PCDHGA3: variants seen among roughly 807,000 people sequenced by gnomAD.
The protein encoded by PCDHGA3 is protocadherin gamma subfamily A, 3, also known as protocadherin gamma-A3.
In PCDHGA3, 40 loss-of-function variants were observed where a neutral mutation model predicts 58.5. The ratio of observed to expected loss-of-function variants is 0.68; its 90% CI spans 0.53 to 0.89. PCDHGA3 has a LOEUF of 0.89. Among genes scored for constraint, PCDHGA3 ranks in the 40% least tolerant of loss-of-function variants. The pLI is 0.00. For missense variants in PCDHGA3, 1,223 were observed against 1,195.9 expected (o/e 1.02, Z -0.33); for synonymous variants, 530 against 525.7 (o/e 1.01, Z -0.11).
chr5:141,410,508 G>T (rs752298772), intron 1 of PCDHGA3: 1 of 1,613,968 alleles, frequency 6.2e-7, no homozygotes, highest in South Asian at 1.1e-5. Context: ...TTCCTAAAAT[G>T]CAGTGTGCCC....
At chr5:141,510,062 G>GA (rs1448334820) in intron 3 of PCDHGA3, among the ~76,000 whole-genome samples, 1 of 152,150 alleles carries the variant, frequency 6.6e-6, no homozygotes. Flanking sequence ...TTGTGCATGT[G>GA]AAGCATCCAG....
At chr5:141,391,253 T>C (rs1157052865) in intron 1 of PCDHGA3, 1 of 152,146 alleles carries the variant, frequency 6.6e-6, no homozygotes, top group Non-Finnish European at 1.5e-5. Flanking sequence ...AAGCAACTGC[T>C]TCAGTTAATG....
intron 1 of PCDHGA3, among the ~76,000 whole-genome samples, chr5:141,445,320 A>G (rs1462989860): frequency 1.3e-5 from 2 of 152,188 alleles, no homozygotes; most frequent in Non-Finnish European, 2.9e-5. Flanking sequence ...GGTTGAGAGA[A>G]CCCATCCAGA....
At chr5:141,441,102 C>G (rs1057297804) in intron 1 of PCDHGA3, 1 of 152,148 alleles carries the variant, frequency 6.6e-6, no homozygotes, top group East Asian at 1.9e-4. Context: ...GAGAGGGACT[C>G]ATTGTCCAGT....
chr5:141,439,800 T>C (rs1393580217), intron 1 of PCDHGA3: 1 of 152,300 alleles, frequency 6.6e-6, no homozygotes, highest in Admixed American at 6.5e-5. Context: ...CAAGAAGAGT[T>C]TGAAAAGGGG....
rs143767010 is a variant in PCDHGA3 at position 141,460,190 on chromosome 5, A to G, written c.2425-34617A>G. 3.2e-3 allele frequency among the ~76,000 whole-genome samples: 486 copies of G among 152,218 alleles called. 1 individual carries two copies. Among genetic ancestry groups the G allele is most frequent in the Non-Finnish European group, 4.9e-3 (336 of 68,006 alleles). ...TTTTGTGGATATTTTATCCCAGACTATGACTTGTCTTTTCATTTTCTTAGT... is the reference window on the plus strand; with the variant it reads ...TTTTGTGGATATTTTATCCCAGACTGTGACTTGTCTTTTCATTTTCTTAGT... On this transcript the variant is annotated intron_variant, in intron 1 of 3. Coordinates refer to ENST00000253812, the MANE Select transcript of PCDHGA3 (RefSeq NM_018916.4).
Position 141,490,972 on chromosome 5 carries a change from C to G in PCDHGA3, c.2425-3835C>G. 6.2e-7 allele frequency: 1 copy of G among 1,613,912 alleles called. No homozygotes were observed. Among genetic ancestry groups the G allele is most frequent in the Non-Finnish European group, 8.5e-7 (1 of 1,179,922 alleles). Reference sequence around the variant, plus strand: ...AGACTGGGAACACTCAGCCCCCCAGCGTCTCCCTCGCTCTGCTCCTCCTGG... The same window carrying G: ...AGACTGGGAACACTCAGCCCCCCAGGGTCTCCCTCGCTCTGCTCCTCCTGG... On this transcript the variant is annotated intron_variant, in intron 1 of 3. Coordinates refer to ENST00000253812, the MANE Select transcript of PCDHGA3 (RefSeq NM_018916.4). The surrounding 1 kb of genome is among the most constrained non-coding windows in gnomAD (Gnocchi z 5.4).
chr5:141,369,379 T>G (rs1268907990), intron 1 of PCDHGA3, among the ~76,000 whole-genome samples: 1 of 152,066 alleles, frequency 6.6e-6, no homozygotes, highest in Non-Finnish European at 1.5e-5. Flanking sequence ...TTGTAAAAGT[T>G]TTTCATTTGG....
chr5:141,436,337 A>G (rs1450981655), intron 1 of PCDHGA3, among the ~76,000 whole-genome samples: 1 of 152,178 alleles, frequency 6.6e-6, no homozygotes, highest in Non-Finnish European at 1.5e-5. Flanking sequence ...CATATCTCAA[A>G]TATCAGTGAC....
chr5:141,462,824 A>T (rs1561993844), intron 1 of PCDHGA3, among the ~76,000 whole-genome samples: 1 of 152,158 alleles, frequency 6.6e-6, no homozygotes, highest in Non-Finnish European at 1.5e-5. Flanking sequence ...TGGACAGCAG[A>T]CATTGTAAAT....
intron 1 of PCDHGA3, chr5:141,411,845 G>C (rs984420523): frequency 6.6e-6 from 1 of 151,920 alleles, no homozygotes; most frequent in Non-Finnish European, 1.5e-5. Context: ...AGGTGACAGA[G>C]TGAGACCCTG....
intron 1 of PCDHGA3, among the ~76,000 whole-genome samples, chr5:141,438,611 TATATATATATATATATATATATATAC>T (rs1451681129): frequency 0.1 from 4,016 of 39,372 alleles, 166 homozygotes; most frequent in Middle Eastern, 0.18. Context: ...TATATATATA[TATATATATATATATATATATATATAC>T]ACACACACAC....
chr5:141,421,239 G>T (rs773410079), intron 1 of PCDHGA3: 5 of 1,599,000 alleles, frequency 3.1e-6, no homozygotes, highest in Middle Eastern at 3.3e-4. Flanking sequence ...TGGCGAATCG[G>T]CTACAGCGCG....
chr5:141,345,391 C>G lies in PCDHGA3; in HGVS notation c.1358C>G (p.Pro453Arg), dbSNP rs753896758. ...IDINDNPPTF[P>R]HLSYSAYIPE... is the part of the protein sequence containing the mutation. Reference sequence around the variant, plus strand: ...ATCAATGACAACCCACCCACCTTCCCTCATTTATCCTACTCCGCCTACATT... The same window carrying G: ...ATCAATGACAACCCACCCACCTTCCGTCATTTATCCTACTCCGCCTACATT... The change falls in exon 1 of 4, where the codon CCT (proline) becomes CGT (arginine). Residue 453 changes from proline (P) to arginine (R), a missense_variant. Physicochemically the swap from Pro to Arg is moderately radical, Grantham distance 103. Transcript: ENST00000253812. The G allele has an allele frequency of 3.7e-6, 6 of 1,614,164 alleles. No individual in the cohort carries two copies. Among genetic ancestry groups the G allele is most frequent in the Non-Finnish European group, 5.1e-6 (6 of 1,180,036 alleles).
chr5:141,488,480 C>A (rs935896624), intron 1 of PCDHGA3, among the ~76,000 whole-genome samples: 6 of 152,298 alleles, frequency 3.9e-5, no homozygotes, highest in African/African-American at 1.4e-4. Flanking sequence ...GTTCCCCTAC[C>A]CAAAAACTGT....
intron 2 of PCDHGA3, 117 bp downstream of exon 2, chr5:141,494,982 G>T: frequency 1.3e-6 from 2 of 1,563,940 alleles, no homozygotes; most frequent in Non-Finnish European, 1.7e-6. Flanking sequence ...CTCAGTTTGA[G>T]ATCCCAGGGA....
At chr5:141,384,599 T>A (rs772846090) in intron 1 of PCDHGA3, 4 of 1,614,132 alleles carry the variant, frequency 2.5e-6, no homozygotes, top group Non-Finnish European at 2.5e-6. Flanking sequence ...TACCCGGCCC[T>A]CCCCACAGAT....
intron 1 of PCDHGA3, chr5:141,409,193 T>C (rs1268258873): frequency 2.5e-6 from 4 of 1,613,870 alleles, no homozygotes; most frequent in Admixed American, 1.7e-5. Flanking sequence ...CTCTACCCAG[T>C]GTAAAGTAAT....
chr5:141,403,611 C>T lies in PCDHGA3; in HGVS notation c.2424+57154C>T. ...CTCACGGCCTCGGATGGCGGCGAGCCGCGTCGCTCCAGCACAGTGCGCATC... is the reference window on the plus strand; with the variant it reads ...CTCACGGCCTCGGATGGCGGCGAGCTGCGTCGCTCCAGCACAGTGCGCATC... On this transcript the variant is annotated intron_variant, in intron 1 of 3. Transcript: ENST00000253812. 6.2e-7 allele frequency: 1 copy of T among 1,613,860 alleles called. No homozygotes were observed.
Sources: gnomAD v4.1 joint callset for allele counts (sites outside exome capture counted in the v4.1 genomes callset) on GRCh38, gnomAD v4.1.1 for gene constraint, Gnocchi (gnomAD v3.1) non-coding constraint, MANE v1.5 for transcripts, NCBI Gene and HGNC (gene_info 2026-07-23, HGNC 2026-07-21) for gene names.